KHDRBS3: variants seen among roughly 807,000 people sequenced by gnomAD.
KHDRBS3 encodes the protein KH domain-containing, RNA-binding, signal transduction-associated protein 3.
In KHDRBS3, 23 loss-of-function variants were observed where a neutral mutation model predicts 45.6. The ratio of observed to expected loss-of-function variants is 0.50; its 90% CI spans 0.36 to 0.72. The LOEUF is 0.72. Ranked by LOEUF, KHDRBS3 falls within the 30% of genes least tolerant of loss-of-function variation. The probability of loss-of-function intolerance (pLI) is 0.00; values close to 1 mark genes in which losing one functional copy is unlikely to be tolerated. For synonymous variants in KHDRBS3, 162 were observed against 156.5 expected, an observed-to-expected ratio of 1.04 and a Z score of -0.26; for missense variants, 352 against 424.8, an observed-to-expected ratio of 0.83 and a Z score of 1.51.
chr8:135,609,285 T>C (rs1356261016), intron 7 of KHDRBS3, among the ~76,000 whole-genome samples: 1 of 151,912 alleles, frequency 6.6e-6, no homozygotes, highest in Non-Finnish European at 1.5e-5. Flanking sequence ...CTTTTATCTA[T>C]TTTAATTTTT....
intron 7 of KHDRBS3, chr8:135,625,682 CTTTCCT>C (rs1467475493): frequency 2.5e-6 from 2 of 801,700 alleles, no homozygotes; most frequent in African/African-American, 3.4e-5. Context: ...TTTCCTGAAA[CTTTCCT>C]TTTACTAATT....
At chr8:135,624,914 C>G (rs1258076584) in intron 7 of KHDRBS3, among the ~76,000 whole-genome samples, 1 of 152,206 alleles carries the variant, frequency 6.6e-6, no homozygotes, top group African/African-American at 2.4e-5. Flanking sequence ...CAGTGTGACC[C>G]GCATCTGCAT....
At chr8:135,523,495 G>A (rs1825021593) in intron 2 of KHDRBS3, among the ~76,000 whole-genome samples, 1 of 151,772 alleles carries the variant, frequency 6.6e-6, no homozygotes, top group East Asian at 1.9e-4. Context: ...ACTTATTCTA[G>A]TAAGTTGTTT....
At chr8:135,546,079 G>A (rs1826288318) in intron 3 of KHDRBS3, among the ~76,000 whole-genome samples, 1 of 152,024 alleles carries the variant, frequency 6.6e-6, no homozygotes, top group Middle Eastern at 3.4e-3. Context: ...AGAGGTTGCA[G>A]TGAGCTGAGA....
At chr8:135,533,420 G>T (rs1825579628) in intron 2 of KHDRBS3, among the ~76,000 whole-genome samples, 1 of 151,978 alleles carries the variant, frequency 6.6e-6, no homozygotes, top group African/African-American at 2.4e-5. Flanking sequence ...GATGAATCTT[G>T]GCCTAGATAA....
chr8:135,458,143 T>TA (rs1305002568), intron 1 of KHDRBS3, 189 bp downstream of exon 1: 3 of 1,354,288 alleles, frequency 2.2e-6, no homozygotes, highest in Non-Finnish European at 2.8e-6. Flanking sequence ...GACCCTGATG[T>TA]GAATTTTGGG....
chr8:135,643,901 C>G (rs953450943), intron 7 of KHDRBS3, among the ~76,000 whole-genome samples: 15 of 152,232 alleles, frequency 9.9e-5, no homozygotes, highest in Non-Finnish European at 1.8e-4. Context: ...ACATTCACAG[C>G]AAGCATCTGT....
chr8:135,586,530 G>T (rs1010227194), intron 6 of KHDRBS3, among the ~76,000 whole-genome samples: 21 of 138,796 alleles, frequency 1.5e-4, no homozygotes, highest in Non-Finnish European at 2.6e-4. Context: ...AAATGGAAAT[G>T]AACTGTTAGG....
At chr8:135,565,086 C>A (rs1002972002) in intron 5 of KHDRBS3, among the ~76,000 whole-genome samples, 1 of 152,190 alleles carries the variant, frequency 6.6e-6, no homozygotes, top group Non-Finnish European at 1.5e-5. Flanking sequence ...ATCGCCTACC[C>A]GGAGGCCTGG....
intron 7 of KHDRBS3, chr8:135,625,055 T>C: frequency 1.9e-6 from 1 of 538,306 alleles, no homozygotes; most frequent in Non-Finnish European, 3.2e-6. Flanking sequence ...AAATGCACTT[T>C]AACAAGAGGC....
chr8:135,610,556 G>A (rs769290258), intron 7 of KHDRBS3, among the ~76,000 whole-genome samples: 16 of 151,826 alleles, frequency 1.1e-4, no homozygotes, highest in Middle Eastern at 3.4e-3. Flanking sequence ...AAGCTTACTG[G>A]CTAGAAAAAA....
chr8:135,546,310 ATTAC>A (rs1417136802), intron 3 of KHDRBS3, among the ~76,000 whole-genome samples: 4 of 152,158 alleles, frequency 2.6e-5, no homozygotes, highest in African/African-American at 9.7e-5. Flanking sequence ...AGAGATTCCC[ATTAC>A]TTATTATTTT....
At chr8:135,518,479 T>C (rs1824739638) in intron 1 of KHDRBS3, among the ~76,000 whole-genome samples, 1 of 152,148 alleles carries the variant, frequency 6.6e-6, no homozygotes, top group Non-Finnish European at 1.5e-5. Context: ...CGGCCTAAAC[T>C]ACTTTGTCAA....
chr8:135,497,808 A>G (rs1332533304), intron 1 of KHDRBS3, among the ~76,000 whole-genome samples: 1 of 152,164 alleles, frequency 6.6e-6, no homozygotes, highest in African/African-American at 2.4e-5. Context: ...TAAAGTGTTA[A>G]CCAAGTGAGT....
intron 7 of KHDRBS3, among the ~76,000 whole-genome samples, chr8:135,644,457 A>G (rs1183111120): frequency 1.3e-5 from 2 of 152,142 alleles, no homozygotes; most frequent in Admixed American, 1.3e-4. Context: ...CAGCTTCCGG[A>G]TGGTGATGCA....
chr8:135,654,070 A>AT (rs1221885506), intron 4 of KHDRBS3, among the ~76,000 whole-genome samples: 3 of 152,134 alleles, frequency 2.0e-5, no homozygotes, highest in African/African-American at 7.2e-5. Flanking sequence ...TAAGTAAAGC[A>AT]TTTTTTTAAA....
At chr8:135,473,162 A>T (rs139192323) in intron 1 of KHDRBS3, among the ~76,000 whole-genome samples, 1 of 152,040 alleles carries the variant, frequency 6.6e-6, no homozygotes, top group African/African-American at 2.4e-5. Context: ...GACCTTTGGT[A>T]CAGAGAGCTC....
intron 1 of KHDRBS3, among the ~76,000 whole-genome samples, chr8:135,492,208 TTAGG>T (rs1284268279): frequency 3.3e-5 from 5 of 152,030 alleles, no homozygotes; most frequent in Non-Finnish European, 7.4e-5. Context: ...TGAAAGTACT[TTAGG>T]TAGTAGATTA....
chr8:135,506,028 C>T (rs1031214443), intron 1 of KHDRBS3, among the ~76,000 whole-genome samples: 3 of 152,086 alleles, frequency 2.0e-5, no homozygotes, highest in Non-Finnish European at 4.4e-5. Context: ...AGCGTATAGG[C>T]GGGTAGGTGT....
Sources: allele counts gnomAD v4.1 joint callset (sites outside exome capture counted in the v4.1 genomes callset), GRCh38; gene constraint gnomAD v4.1.1; transcripts MANE v1.5; gene names NCBI Gene and HGNC (gene_info 2026-07-23, HGNC 2026-07-21).